The following ARHGEF28 variants were observed in gnomAD, a reference collection of about 807,000 sequenced individuals.
ARHGEF28 encodes the protein Rho guanine nucleotide exchange factor 28, also known as 190 kDa guanine nucleotide exchange factor.
Under a neutral mutation model 206.6 loss-of-function variants are expected in ARHGEF28, and 152 were observed. The ratio of observed to expected loss-of-function variants is 0.74; its 90% confidence interval spans 0.64 to 0.84. The LOEUF (loss-of-function observed/expected upper bound fraction) is 0.84. Among genes scored for constraint, ARHGEF28 ranks in the 40% least tolerant of loss-of-function variants. The probability of loss-of-function intolerance (pLI) is 0.00; values close to 1 mark genes in which losing one functional copy is unlikely to be tolerated. For missense variants in ARHGEF28, 2,028 were observed against 2,073.2 expected, an observed-to-expected ratio of 0.98 and a Z score of 0.42; for synonymous variants, 763 against 776.4, an observed-to-expected ratio of 0.98 and a Z score of 0.29.
At chr5:73,825,232 G>T (rs1756833340) in intron 9 of ARHGEF28, among the ~76,000 whole-genome samples, 1 of 152,192 alleles carries the variant, frequency 6.6e-6, no homozygotes. Flanking sequence ...ATAAAGCAAG[G>T]GTTGGCGGTT....
chr5:73,674,813 T>C (rs4704091), intron 1 of ARHGEF28, among the ~76,000 whole-genome samples: 112,024 of 152,084 alleles, frequency 0.74, 41,338 homozygotes, highest in East Asian at 0.82. Context: ...CTTAAAAACC[T>C]AAAAGGACTG....
intron 4 of ARHGEF28, among the ~76,000 whole-genome samples, chr5:73,773,013 C>T (rs933579420): frequency 5.3e-5 from 8 of 152,198 alleles, no homozygotes; most frequent in African/African-American, 1.4e-4. Flanking sequence ...ATTCAGTGTA[C>T]AGACTATTCA....
At chr5:73,664,756 C>T (rs1398977283) in intron 1 of ARHGEF28, among the ~76,000 whole-genome samples, 2 of 152,138 alleles carry the variant, frequency 1.3e-5, no homozygotes, top group Admixed American at 6.5e-5. Flanking sequence ...TCATTGATTC[C>T]CAATGGCCTT....
At position 73,720,858 on chromosome 5, in the gene ARHGEF28, A is replaced by G. The variant is rs140248095; in HGVS notation, c.34-28979A>G. Among the ~76,000 whole-genome samples the G allele has an allele frequency of 1.1e-4, 17 of 152,308 alleles. No homozygotes were observed. The East Asian group carries it at 3.3e-3, about 29-fold the overall frequency. Reference sequence around the variant, plus strand: ...GCTCTGAGAAAAATCAAAGAAACATATACTTAGTGATTTTGCTGACCACAT... The same window carrying G: ...GCTCTGAGAAAAATCAAAGAAACATGTACTTAGTGATTTTGCTGACCACAT... On this transcript the variant is annotated intron_variant, in intron 2 of 35. Coordinates refer to ENST00000513042, the MANE Select transcript of ARHGEF28 (RefSeq NM_001177693.2).
At chr5:73,691,535 A>ATGTGGGCC (rs1435602156) in intron 2 of ARHGEF28, among the ~76,000 whole-genome samples, 1 of 152,138 alleles carries the variant, frequency 6.6e-6, no homozygotes, top group African/African-American at 2.4e-5. Context: ...ACTGAATCAG[A>ATGTGGGCC]CACTCTGTGG....
chr5:73,669,686 CTTTATTTA>C (rs56870788), intron 1 of ARHGEF28, among the ~76,000 whole-genome samples: 10 of 151,028 alleles, frequency 6.6e-5, no homozygotes, highest in Admixed American at 4.0e-4. Context: ...CTAAGTTTTA[CTTTATTTA>C]TTTATTTATT....
intron 35 of ARHGEF28, among the ~76,000 whole-genome samples, chr5:73,921,366 A>C (rs1763512623): frequency 6.6e-6 from 1 of 152,186 alleles, no homozygotes; most frequent in African/African-American, 2.4e-5. Flanking sequence ...CCAGATGATA[A>C]ATAAGCCTGG....
At chr5:73,910,404 A>AAAG (rs1346334943) in intron 34 of ARHGEF28, among the ~76,000 whole-genome samples, 3 of 150,626 alleles carry the variant, frequency 2.0e-5, no homozygotes, top group Non-Finnish European at 4.4e-5. Flanking sequence ...AAAAAAAAAA[A>AAAG]AAGGACAATG....
At chr5:73,674,182 A>G (rs1288851101) in intron 1 of ARHGEF28, among the ~76,000 whole-genome samples, 1 of 152,198 alleles carries the variant, frequency 6.6e-6, no homozygotes, top group African/African-American at 2.4e-5. Flanking sequence ...AAACAAAAAC[A>G]AAACCAAAAA....
At chr5:73,893,590 C>A (rs1489792846) in intron 28 of ARHGEF28, among the ~76,000 whole-genome samples, 4 of 152,186 alleles carry the variant, frequency 2.6e-5, no homozygotes, top group African/African-American at 9.7e-5. Context: ...AATTTTAGGT[C>A]TCAGCACTGT....
At chr5:73,724,612 G>A (rs763075131) in intron 2 of ARHGEF28, among the ~76,000 whole-genome samples, 11 of 152,064 alleles carry the variant, frequency 7.2e-5, no homozygotes, top group Non-Finnish European at 1.5e-4. Context: ...CCCTATAGCT[G>A]TAAAAGATAA....
At chr5:73,763,556 A>G (rs1391306450) in intron 4 of ARHGEF28, among the ~76,000 whole-genome samples, 2 of 152,114 alleles carry the variant, frequency 1.3e-5, no homozygotes, top group African/African-American at 4.8e-5. Flanking sequence ...ATGTATTTTC[A>G]TTTGTCTCCC....
At chr5:73,707,742 GA>G (rs1749019496) in intron 2 of ARHGEF28, among the ~76,000 whole-genome samples, 1 of 152,070 alleles carries the variant, frequency 6.6e-6, no homozygotes, top group African/African-American at 2.4e-5. Flanking sequence ...ATTAACCAAA[GA>G]AAGTCATTAG....
intron 9 of ARHGEF28, among the ~76,000 whole-genome samples, chr5:73,799,539 A>T (rs1213309661): frequency 2.0e-5 from 3 of 152,162 alleles, no homozygotes; most frequent in African/African-American, 7.2e-5. Flanking sequence ...CTTTCATCGA[A>T]TAATATGTCA....
intron 2 of ARHGEF28, among the ~76,000 whole-genome samples, chr5:73,745,327 A>C (rs556370063): frequency 1.3e-5 from 2 of 152,186 alleles, no homozygotes; most frequent in Admixed American, 1.3e-4. Flanking sequence ...TAATGAAAAA[A>C]TCTTTAGAAC....
At chr5:73,738,542 C>T (rs540759838) in intron 2 of ARHGEF28, among the ~76,000 whole-genome samples, 28 of 146,682 alleles carry the variant, frequency 1.9e-4, no homozygotes, top group Middle Eastern at 3.6e-3. Context: ...TGTGTGTGTA[C>T]GTACACCGAG....
chr5:73,884,078 T>C (rs956964774), intron 24 of ARHGEF28, among the ~76,000 whole-genome samples, 194 bp downstream of exon 24: 1 of 152,206 alleles, frequency 6.6e-6, no homozygotes, highest in Non-Finnish European at 1.5e-5. Flanking sequence ...GTAAATAGTC[T>C]GAATTTCTAC....
At chr5:73,901,075 TG>T in intron 30 of ARHGEF28, 108 bp from the exon 31 acceptor site, 1 of 787,064 alleles carries the variant, frequency 1.3e-6, no homozygotes, top group Non-Finnish European at 2.1e-6. Flanking sequence ...TATTATTTTG[TG>T]GTGTTTCCTA....
Position 73,857,765 on chromosome 5 carries a change from C to T in ARHGEF28, c.1900C>T (p.Arg634Trp), listed in dbSNP as rs201772688. 12 of 1,611,960 alleles carry T rather than the reference C, an allele frequency of 7.4e-6. No homozygotes were observed. Among genetic ancestry groups the T allele is most frequent in the Admixed American group, 5.0e-5 (3 of 59,764 alleles). The stretch of plus-strand genomic sequence containing the variant: ...CCTCATGAATAGGATGACTAGCCCT[C>T]GGAATAAATCAAAGGTAATTAAAGT... ...SFLMNRMTSP[R>W]NKSKTKSKDA... Residue 634 changes from arginine (R) to tryptophan (W), a missense_variant, in exon 15 of 36, where the codon CGG (arginine) becomes TGG (tryptophan). Arg to Trp is a moderately radical substitution (Grantham distance 101). Transcript: ENST00000513042.
Sources: allele counts gnomAD v4.1 joint callset (sites outside exome capture counted in the v4.1 genomes callset), GRCh38; gene constraint gnomAD v4.1.1; transcripts MANE v1.5; gene names NCBI Gene and HGNC (gene_info 2026-07-23, HGNC 2026-07-21).